PKP2: variants seen among roughly 807,000 people sequenced by gnomAD.
The protein encoded by PKP2 is plakophilin 2.
A neutral mutation model predicts 83.4 loss-of-function variants in PKP2; 73 were observed. That is an observed-to-expected ratio of 0.88 (90% confidence interval 0.72 to 1.06). The LOEUF is 1.06. Ranked by LOEUF, PKP2 falls within the 50% of genes least tolerant of loss-of-function variation. The pLI is 0.00. For missense variants in PKP2, 966 were observed against 1,065.4 expected, an observed-to-expected ratio of 0.91 and a Z score of 1.30; for synonymous variants, 409 against 430.4, an observed-to-expected ratio of 0.95 and a Z score of 0.62.
At chr12:32,792,529 A>G in intron 12 of PKP2, 37 bp from the exon 13 acceptor site, 2 of 1,589,462 alleles carry the variant, frequency 1.3e-6, no homozygotes, top group Non-Finnish European at 1.7e-6. Flanking sequence ...AAAGGTAACA[A>G]AACTGGCACA....
intron 5 of PKP2, among the ~76,000 whole-genome samples, chr12:32,847,338 T>G (rs192804336): frequency 3.9e-5 from 6 of 152,196 alleles, no homozygotes; most frequent in African/African-American, 7.2e-5. Context: ...CACCCTCCAG[T>G]AGGGATGTTT....
At position 32,878,426 on chromosome 12, in the gene PKP2, G is replaced by A. The variant is rs972806409; in HGVS notation, c.454C>T (p.Pro152Ser). The change falls in exon 3 of 13, where the codon CCT becomes TCT. Residue 152 changes from proline to serine, a missense_variant. Pro to Ser is a moderately conservative substitution (Grantham distance 74). Transcript: ENST00000340811. Reference protein sequence around the residue: ...RHPLRRLEISPDSSPERAHYT... With the variant: ...RHPLRRLEISSDSSPERAHYT... Reference sequence around the variant, plus strand: ...TGAGCCCTCTCCGGGCTGCTGTCAGGAGAAATCTCCAGTCTCCTCAGAGGA... The same window carrying A: ...TGAGCCCTCTCCGGGCTGCTGTCAGAAGAAATCTCCAGTCTCCTCAGAGGA... The A allele has an allele frequency of 5.0e-6, 8 of 1,613,992 alleles. No homozygotes were observed. The highest frequency in any genetic ancestry group is 6.8e-6 in the Non-Finnish European group (8 of 1,180,012).
At chr12:32,828,165 G>C (rs1956460867) in intron 6 of PKP2, among the ~76,000 whole-genome samples, 1 of 152,196 alleles carries the variant, frequency 6.6e-6, no homozygotes, top group African/African-American at 2.4e-5. Flanking sequence ...GGAAGAAATA[G>C]AATCTGGACC....
intron 3 of PKP2, among the ~76,000 whole-genome samples, chr12:32,873,582 T>C: frequency 6.6e-6 from 1 of 152,134 alleles, no homozygotes. Context: ...CAGGCTGGAA[T>C]GCAATGGCAC....
chr12:32,843,395 T>G (rs556552008), intron 5 of PKP2: 8 of 1,078,602 alleles, frequency 7.4e-6, no homozygotes, highest in Non-Finnish European at 9.1e-6. Flanking sequence ...TTGGCTGAAC[T>G]ATGTGGCAAA....
At chr12:32,839,773 A>G (rs1275567421) in intron 6 of PKP2, among the ~76,000 whole-genome samples, 1 of 152,206 alleles carries the variant, frequency 6.6e-6, no homozygotes, top group African/African-American at 2.4e-5. Context: ...AAGACGTGAA[A>G]TATGTTTAAG....
At chr12:32,858,151 T>A (rs1359507314) in intron 4 of PKP2, among the ~76,000 whole-genome samples, 28 of 104,260 alleles carry the variant, frequency 2.7e-4, no homozygotes, top group Admixed American at 1.2e-3. Flanking sequence ...TATATATATA[T>A]AAATATATAT....
chr12:32,830,228 C>T (rs1039824925), intron 6 of PKP2, among the ~76,000 whole-genome samples: 2 of 152,126 alleles, frequency 1.3e-5, no homozygotes, highest in African/African-American at 4.8e-5. Context: ...TAGGCTTGGG[C>T]TTTTGTTTAA....
chr12:32,814,170 G>A (rs927758156), intron 9 of PKP2, among the ~76,000 whole-genome samples: 1 of 152,026 alleles, frequency 6.6e-6, no homozygotes, highest in African/African-American at 2.4e-5. Flanking sequence ...AGTCACCACC[G>A]TCCAGCTCTA....
chr12:32,869,213 A>G, intron 3 of PKP2, 151 bp from the exon 4 acceptor site: 1 of 828,952 alleles, frequency 1.2e-6, no homozygotes, highest in Non-Finnish European at 2.0e-6. Context: ...ATCAGCACCC[A>G]AGATCACAAG....
In PKP2 at chr12:32,850,772, T is replaced by C. The variant is rs199571473; in HGVS notation, c.1372A>G (p.Ile458Val). 959 of 1,611,984 alleles carry C rather than the reference T, an allele frequency of 5.9e-4. 13 individuals carry two copies. In the South Asian group the frequency reaches 9.5e-3, roughly 16 times the overall value. The part of the protein sequence containing the change: ...QTRDLETKKQ[I>V]TGLLWNLSSN... ...AATGTTCAGTAAGCACTACCTGTTATTTGTTTTTTAGTCTCCAAGTCTCTG... is the reference window on the plus strand; with the variant it reads ...AATGTTCAGTAAGCACTACCTGTTACTTGTTTTTTAGTCTCCAAGTCTCTG... Residue 458 changes from isoleucine (I) to valine (V), a missense_variant, in exon 5 of 13, where the codon ATA becomes GTA. Transcript: ENST00000340811.
At chr12:32,850,587 G>A (rs2137861232) in intron 5 of PKP2, among the ~76,000 whole-genome samples, 179 bp downstream of exon 5, 1 of 151,402 alleles carries the variant, frequency 6.6e-6, no homozygotes, top group Admixed American at 6.6e-5. Flanking sequence ...AAAGGAATTC[G>A]AATGTGGCTC....
At chr12:32,841,376 G>A (rs745602459) in intron 5 of PKP2, among the ~76,000 whole-genome samples, 171 bp from the exon 6 acceptor site, 1 of 152,180 alleles carries the variant, frequency 6.6e-6, no homozygotes, top group African/African-American at 2.4e-5. Flanking sequence ...GAACTCATTA[G>A]ATGGTGATGG....
At chr12:32,880,775 C>T (rs75883310) in intron 1 of PKP2, among the ~76,000 whole-genome samples, 23,923 of 96,758 alleles carry the variant, frequency 0.25, 2,042 homozygotes, top group Middle Eastern at 0.35. Context: ...CTCCTTTATC[C>T]TTCTCTCAGC....
intron 3 of PKP2, among the ~76,000 whole-genome samples, chr12:32,877,079 T>C (rs1183163311): frequency 6.6e-6 from 1 of 152,218 alleles, no homozygotes; most frequent in Non-Finnish European, 1.5e-5. Flanking sequence ...CAAATGACAA[T>C]AACATATCTA....
At position 32,802,524 on chromosome 12, in the gene PKP2, C is replaced by T. The variant is rs772622598; in HGVS notation, c.2046G>A (p.Gln682=). 4 of 1,614,038 alleles carry T rather than the reference C, an allele frequency of 2.5e-6. No homozygotes were observed. The highest frequency in any genetic ancestry group is 3.4e-6 in the Non-Finnish European group (4 of 1,180,002). Residue 682 remains glutamine (Q), a synonymous_variant, in exon 10 of 13, where the codon CAG becomes CAA. Coordinates refer to ENST00000340811, the MANE Select transcript of PKP2 (RefSeq NM_001005242.3). ...MPTSVAQTVV[Q]KESGLQHTRK... ...GGGTGTGCTGCAGGCCACTTTCCTT[C>T]TGGACAACTGTCTGAGCCACTGATG...
intron 10 of PKP2, among the ~76,000 whole-genome samples, chr12:32,801,576 A>G (rs907533127): frequency 1.3e-5 from 2 of 152,200 alleles, no homozygotes; most frequent in Admixed American, 6.5e-5. Flanking sequence ...GGGGCTATAT[A>G]TGTGCATATT....
intron 6 of PKP2, among the ~76,000 whole-genome samples, chr12:32,840,078 A>G (rs1817821251): frequency 6.6e-6 from 1 of 152,152 alleles, no homozygotes; most frequent in Admixed American, 6.5e-5. Flanking sequence ...GACTGTCAGA[A>G]TCACCTAGAG....
intron 4 of PKP2, among the ~76,000 whole-genome samples, chr12:32,862,513 C>T (rs184758078): frequency 1.9e-3 from 281 of 151,850 alleles, no homozygotes; most frequent in African/African-American, 6.6e-3. Flanking sequence ...GGCATGGTGG[C>T]GCATGCCTGT....
Sources: allele counts gnomAD v4.1 joint callset (sites outside exome capture counted in the v4.1 genomes callset), GRCh38; gene constraint gnomAD v4.1.1; transcripts MANE v1.5; gene names NCBI Gene and HGNC (gene_info 2026-07-23, HGNC 2026-07-21).